FYN: variants seen among roughly 807,000 people sequenced by gnomAD.
The protein encoded by FYN is tyrosine-protein kinase Fyn.
A neutral mutation model predicts 70.2 loss-of-function variants in FYN; 10 were observed. The ratio of observed to expected loss-of-function variants is 0.14; its 90% CI spans 0.09 to 0.24. The LOEUF (loss-of-function observed/expected upper bound fraction) is 0.24. FYN is among the 10% of genes least tolerant of loss of function. The probability of loss-of-function intolerance (pLI) is 1.00; values close to 1 mark genes in which losing one functional copy is unlikely to be tolerated. For synonymous variants in FYN, 236 were observed against 248.6 expected (o/e 0.95, Z 0.48); for missense variants, 319 against 673.1 (o/e 0.47, Z 5.82).
At chr6:111,683,342 C>A (rs1798853694) in intron 12 of FYN, among the ~76,000 whole-genome samples, 1 of 152,216 alleles carries the variant, frequency 6.6e-6, no homozygotes, top group African/African-American at 2.4e-5. Flanking sequence ...ACGGCAGGGG[C>A]CAGGACAGGC....
At chr6:111,797,711 T>TATACAC (rs1554290407) in intron 2 of FYN, among the ~76,000 whole-genome samples, 5 of 101,302 alleles carry the variant, frequency 4.9e-5, no homozygotes, top group South Asian at 3.7e-4. Context: ...TATATATATA[T>TATACAC]ACACACACAC....
chr6:111,677,402 T>G lies in FYN; in HGVS notation c.1274-2772A>C, dbSNP rs188056622. On this transcript the variant is annotated intron_variant, in intron 12 of 13. Coordinates refer to ENST00000354650, the MANE Select transcript of FYN (RefSeq NM_002037.5). ...CCTCTTGGACACATCTCATTACTTC[T>G]GTTTCCCCTTATCTTGGCTTCCCAC... Among the ~76,000 whole-genome samples the G allele has an allele frequency of 2.0e-5, 3 of 152,360 alleles. No homozygotes were observed. In the East Asian group the frequency reaches 5.8e-4, roughly 29 times the overall value.
intron 13 of FYN, 46 bp downstream of exon 13, chr6:111,674,453 A>C (rs1043073752): frequency 2.6e-6 from 4 of 1,565,314 alleles, no homozygotes; most frequent in Non-Finnish European, 3.5e-6. Context: ...ATGGTGTCAA[A>C]AAAGCCTCCA....
chr6:111,783,457 ATATGG>A (rs915203370), intron 2 of FYN, among the ~76,000 whole-genome samples: 5 of 152,250 alleles, frequency 3.3e-5, no homozygotes, highest in African/African-American at 1.2e-4. Flanking sequence ...CACACCAGAT[ATATGG>A]TATTCATTAC....
At chr6:111,667,534 T>C (rs903250817) in intron 13 of FYN, among the ~76,000 whole-genome samples, 2 of 152,202 alleles carry the variant, frequency 1.3e-5, no homozygotes, top group Non-Finnish European at 2.9e-5. Context: ...GAATTACAGC[T>C]GTGAGCCACT....
At chr6:111,762,600 G>A (rs957870739) in intron 3 of FYN, among the ~76,000 whole-genome samples, 9 of 152,030 alleles carry the variant, frequency 5.9e-5, no homozygotes, top group African/African-American at 2.2e-4. Flanking sequence ...ACAGATAACA[G>A]GCCCTAAAAG....
At chr6:111,664,606 C>T (rs528413938) in intron 13 of FYN, among the ~76,000 whole-genome samples, 11 of 151,510 alleles carry the variant, frequency 7.3e-5, no homozygotes, top group African/African-American at 2.4e-4. Flanking sequence ...TAGCGTCTCC[C>T]GAGGCAGTCT....
chr6:111,832,671 A>G (rs1244646348), intron 2 of FYN, among the ~76,000 whole-genome samples: 2 of 152,190 alleles, frequency 1.3e-5, no homozygotes, highest in African/African-American at 4.8e-5. Context: ...TTAAATCTCA[A>G]ATGGGGAACA....
chr6:111,734,109 C>T lies in FYN; in HGVS notation c.-11-14047G>A, dbSNP rs906368952. Among the ~76,000 whole-genome samples the T allele has an allele frequency of 2.0e-5, 3 of 152,164 alleles. No homozygotes were observed. In the East Asian group the frequency reaches 5.8e-4, roughly 29 times the overall value. On this transcript the variant is annotated intron_variant, in intron 3 of 13. Transcript: ENST00000354650. Reference sequence around the variant, plus strand: ...CTCAAACAAACAAAAAACAAACAAACAAACAAACAAAAAAATGTGAGCTTC... The same window carrying T: ...CTCAAACAAACAAAAAACAAACAAATAAACAAACAAAAAAATGTGAGCTTC...
intron 1 of FYN, among the ~76,000 whole-genome samples, chr6:111,854,038 G>A (rs577994604): frequency 7.2e-5 from 11 of 152,294 alleles, no homozygotes; most frequent in African/African-American, 1.2e-4. Flanking sequence ...AAAAGTGCTG[G>A]TTTATGCCTG....
At chr6:111,705,384 CTTT>C (rs879920621) in intron 6 of FYN, among the ~76,000 whole-genome samples, 37 of 138,160 alleles carry the variant, frequency 2.7e-4, no homozygotes, top group African/African-American at 9.4e-4. Context: ...TCTTCTTCTT[CTTT>C]TTTTTTTTTT....
At chr6:111,734,941 C>T (rs550360072) in intron 3 of FYN, among the ~76,000 whole-genome samples, 2 of 152,316 alleles carry the variant, frequency 1.3e-5, no homozygotes, top group African/African-American at 4.8e-5. Flanking sequence ...CTAATATATA[C>T]TTAAGAGGGA....
At chr6:111,731,286 T>C (rs896614270) in intron 3 of FYN, among the ~76,000 whole-genome samples, 16 of 152,208 alleles carry the variant, frequency 1.1e-4, no homozygotes, top group Non-Finnish European at 1.8e-4. Flanking sequence ...GAAGATCCAA[T>C]TCCTTTAAAG....
rs1797714661 is a variant in FYN at position 111,661,108 on chromosome 6, A to G, written c.*631T>C. The stretch of plus-strand genomic sequence containing the variant: ...AGGCCACTGGTGTTTTCAGAATAAC[A>G]CCGGTGCTTTGATGCTGACTTGCAG... On this transcript the variant is annotated 3_prime_UTR_variant, in exon 14 of 14. Coordinates refer to ENST00000354650, the MANE Select transcript of FYN (RefSeq NM_002037.5). This position sits in a 1 kb window ranked among gnomAD's most constrained non-coding sequence, Gnocchi z 4.0. 6.6e-6 allele frequency: 1 copy of G among 152,100 alleles called. No individual in the cohort carries two copies. The highest frequency in any genetic ancestry group is 1.5e-5 in the Non-Finnish European group (1 of 68,036). 9.4% of individuals were successfully genotyped at this position (152,100 alleles called of 1,614,324 possible).
At chr6:111,799,897 G>A (rs1317954279) in intron 2 of FYN, among the ~76,000 whole-genome samples, 1 of 152,202 alleles carries the variant, frequency 6.6e-6, no homozygotes, top group Non-Finnish European at 1.5e-5. Flanking sequence ...AGCCACGGGT[G>A]ACATTTCCAG....
chr6:111,752,353 C>G, intron 3 of FYN, among the ~76,000 whole-genome samples: 1 of 152,214 alleles, frequency 6.6e-6, no homozygotes, highest in African/African-American at 2.4e-5. Flanking sequence ...ACTGGAGCAG[C>G]TTTTGATAAA....
chr6:111,756,737 C>G (rs947672735), intron 3 of FYN, among the ~76,000 whole-genome samples: 2 of 152,084 alleles, frequency 1.3e-5, no homozygotes, highest in Non-Finnish European at 2.9e-5. Context: ...TCAATAGATA[C>G]AGAAAAGGCA....
intron 10 of FYN, 56 bp downstream of exon 10, chr6:111,696,214 TTCTCTCC>T: frequency 1.5e-6 from 2 of 1,344,238 alleles, no homozygotes; most frequent in Non-Finnish European, 2.0e-6. Flanking sequence ...AAACTTCCAT[TTCTCTCC>T]CCTAAACAAC....
At chr6:111,823,286 C>T (rs1049184862) in intron 2 of FYN, among the ~76,000 whole-genome samples, 2 of 152,176 alleles carry the variant, frequency 1.3e-5, no homozygotes, top group African/African-American at 4.8e-5. Flanking sequence ...CCAGCCCCAG[C>T]CGTGGCTGCT....
Sources: allele counts gnomAD v4.1 joint callset (sites outside exome capture counted in the v4.1 genomes callset), GRCh38; gene constraint gnomAD v4.1.1; non-coding constraint Gnocchi (gnomAD v3.1); transcripts MANE v1.5; gene names NCBI Gene and HGNC (gene_info 2026-07-23, HGNC 2026-07-21).